The following LAMA3 variants were observed in gnomAD, a reference collection of about 807,000 sequenced individuals.
The protein encoded by LAMA3 is laminin subunit alpha-3.
Under a neutral mutation model 402.0 loss-of-function variants are expected in LAMA3, and 281 were observed. The ratio of observed to expected loss-of-function variants is 0.70; its 90% CI spans 0.63 to 0.77. The LOEUF (loss-of-function observed/expected upper bound fraction) is 0.77, where lower values mean the gene tolerates loss of function less well. LAMA3 is among the 30% of genes least tolerant of loss of function. LAMA3 has a pLI of 0.00. For missense variants in LAMA3, 3,840 were observed against 4,215.5 expected (o/e 0.91, Z 2.47); for synonymous variants, 1,431 against 1,558.4 (o/e 0.92, Z 1.93).
intron 1 of LAMA3, among the ~76,000 whole-genome samples, chr18:23,708,445 G>C (rs2060929889): frequency 6.6e-6 from 1 of 152,050 alleles, no homozygotes; most frequent in Admixed American, 6.6e-5. Context: ...AGCTTAATTT[G>C]GGGAGAATTG....
rs1415896745 is a variant in LAMA3, at chr18:23,710,071, A to G, written c.295-3849A>G. 7 of 759,376 alleles carry G rather than the reference A, an allele frequency of 9.2e-6. No homozygotes were observed. In the Admixed American group the frequency reaches 1.2e-4, roughly 13 times the overall value. 47.0% of individuals were successfully genotyped at this position (759,376 alleles called of 1,614,324 possible). A position where few individuals can be genotyped will look rare whatever the true frequency, so the allele number is the denominator to read the frequency against. ...GTCAGCAGAAACTTGATGATAGCAT[A>G]GTGGTCAAGCTTGTTCTCCTGGGGG... On this transcript the variant is annotated intron_variant, in intron 1 of 74. Coordinates refer to ENST00000313654, the MANE Select transcript of LAMA3 (RefSeq NM_198129.4).
At chr18:23,701,557 T>G (rs553129324) in intron 1 of LAMA3, among the ~76,000 whole-genome samples, 106 of 152,328 alleles carry the variant, frequency 7.0e-4, no homozygotes, top group African/African-American at 2.5e-3. Flanking sequence ...CCATTTTAAT[T>G]TATGAATCAA....
At chr18:23,852,093 C>T (rs1366680479) in intron 32 of LAMA3, among the ~76,000 whole-genome samples, 1 of 152,160 alleles carries the variant, frequency 6.6e-6, no homozygotes, top group South Asian at 2.1e-4. Context: ...ACATATTATC[C>T]CCCTTCCTTT....
In LAMA3 at chr18:23,706,023, C is replaced by T. The variant is rs138729533; in HGVS notation, c.295-7897C>T. ...GTTTTTATTACATCTGTACGTATTT[C>T]GAAAAAGTAGGTGCTTTTTATTTTG... On this transcript the variant is annotated intron_variant, in intron 1 of 74. Coordinates refer to ENST00000313654, the MANE Select transcript of LAMA3 (RefSeq NM_198129.4). Among the ~76,000 whole-genome samples the T allele has an allele frequency of 8.4e-3, 1,279 of 152,050 alleles. 13 individuals carry two copies. Among genetic ancestry groups the T allele is most frequent in the Middle Eastern group, 0.017 (5 of 292 alleles).
At chr18:23,765,749 G>A (rs2062063135) in intron 8 of LAMA3, among the ~76,000 whole-genome samples, 1 of 152,014 alleles carries the variant, frequency 6.6e-6, no homozygotes, top group Non-Finnish European at 1.5e-5. Context: ...ATAAATATCA[G>A]TAGGGAAATA....
At chr18:23,896,488 T>G (rs1017602845) in intron 44 of LAMA3, among the ~76,000 whole-genome samples, 1 of 152,218 alleles carries the variant, frequency 6.6e-6, no homozygotes, top group Non-Finnish European at 1.5e-5. Flanking sequence ...TTCAGTCCTT[T>G]TAAATGTGTT....
At chr18:23,847,103 C>T (rs989033273) in intron 31 of LAMA3, among the ~76,000 whole-genome samples, 7 of 152,210 alleles carry the variant, frequency 4.6e-5, no homozygotes, top group Admixed American at 1.3e-4. Context: ...GGGCTCTGGA[C>T]GCACAGGGTA....
chr18:23,733,656 T>C (rs1483167381), intron 2 of LAMA3, among the ~76,000 whole-genome samples: 1 of 152,212 alleles, frequency 6.6e-6, no homozygotes. Flanking sequence ...CATTTGTCTT[T>C]AGAAGATAAA....
intron 12 of LAMA3, chr18:23,795,879 A>G (rs2062753822): frequency 1.1e-5 from 2 of 174,012 alleles, no homozygotes; most frequent in South Asian, 2.3e-4. Flanking sequence ...CCTAACCCCC[A>G]GTGTGACTGT....
intron 36 of LAMA3, 44 bp downstream of exon 36, chr18:23,864,927 C>A: frequency 8.2e-7 from 1 of 1,213,364 alleles, no homozygotes; most frequent in Non-Finnish European, 1.2e-6. Context: ...GTGGCAGTTG[C>A]AGTTGGTGCT....
intron 43 of LAMA3, 32 bp from the exon 44 acceptor site, chr18:23,894,875 A>G: frequency 6.2e-7 from 1 of 1,614,052 alleles, no homozygotes; most frequent in South Asian, 1.1e-5. Flanking sequence ...CTCCCCCCAC[A>G]GCACATTTGC....
At chr18:23,726,958 T>A in intron 2 of LAMA3, among the ~76,000 whole-genome samples, 1 of 152,212 alleles carries the variant, frequency 6.6e-6, no homozygotes, top group East Asian at 1.9e-4. Flanking sequence ...TTGTTGTTGT[T>A]GAATTTAGTT....
At chr18:23,916,475 A>G in intron 59 of LAMA3, 76 bp from the exon 60 acceptor site, 2 of 1,525,718 alleles carry the variant, frequency 1.3e-6, no homozygotes, top group Non-Finnish European at 1.8e-6. Flanking sequence ...AGATAGCAAC[A>G]TCTTGTATTA....
At chr18:23,902,412 C>T (rs913847081) in intron 48 of LAMA3, among the ~76,000 whole-genome samples, 1 of 152,098 alleles carries the variant, frequency 6.6e-6, no homozygotes, top group Non-Finnish European at 1.5e-5. Flanking sequence ...AATTGAATAA[C>T]ACAGGGCAGA....
chr18:23,794,568 G>A (rs561072369), intron 12 of LAMA3, among the ~76,000 whole-genome samples: 3 of 152,266 alleles, frequency 2.0e-5, no homozygotes, highest in South Asian at 4.1e-4. Context: ...TGAGCTGGAG[G>A]ACAGGAGATT....
At chr18:23,932,067 T>C (rs2082176500) in intron 65 of LAMA3, 93 bp from the exon 66 acceptor site, 20 of 1,434,586 alleles carry the variant, frequency 1.4e-5, no homozygotes, top group East Asian at 2.3e-5. Context: ...ATAACAAATA[T>C]TGAATCTGAG....
intron 74 of LAMA3, among the ~76,000 whole-genome samples, chr18:23,953,402 T>C (rs970419680): frequency 6.6e-6 from 1 of 150,476 alleles, no homozygotes; most frequent in African/African-American, 2.5e-5. Context: ...AGAGCAGTGA[T>C]GTGATCTCAG....
chr18:23,921,101 C>A (rs1024640011), intron 61 of LAMA3, 47 bp downstream of exon 61: 3 of 1,603,362 alleles, frequency 1.9e-6, no homozygotes, highest in African/African-American at 1.3e-5. Flanking sequence ...TGTCCTTAGT[C>A]CTTTAAAATT....
intron 59 of LAMA3, among the ~76,000 whole-genome samples, 186 bp downstream of exon 59, chr18:23,915,608 T>C (rs2081584122): frequency 6.6e-6 from 1 of 152,194 alleles, no homozygotes; most frequent in African/African-American, 2.4e-5. Flanking sequence ...ATTATGGTAG[T>C]CTCTTCTTAA....
Sources: allele counts gnomAD v4.1 joint callset (sites outside exome capture counted in the v4.1 genomes callset), GRCh38; gene constraint gnomAD v4.1.1; transcripts MANE v1.5; gene names NCBI Gene and HGNC (gene_info 2026-07-23, HGNC 2026-07-21).